The following NRXN3 variants were observed in gnomAD, a reference collection of about 807,000 sequenced individuals.
The protein encoded by NRXN3 is neurexin III.
A neutral mutation model predicts 137.6 loss-of-function variants in NRXN3; 32 were observed. The observed-to-expected ratio is 0.23, with a 90% CI of 0.18 to 0.31. The LOEUF (loss-of-function observed/expected upper bound fraction) is 0.31. Ranked by LOEUF, NRXN3 falls within the 10% of genes least tolerant of loss-of-function variation. The probability of loss-of-function intolerance (pLI) is 1.00; values close to 1 mark genes in which losing one functional copy is unlikely to be tolerated. For synonymous variants in NRXN3, 798 were observed against 784.5 expected (o/e 1.02, Z -0.29); for missense variants, 1,574 against 2,062.5 (o/e 0.76, Z 4.59).
chr14:79,410,698 G>A (rs1033628984), intron 15 of NRXN3, among the ~76,000 whole-genome samples: 1 of 152,078 alleles, frequency 6.6e-6, no homozygotes, highest in African/African-American at 2.4e-5. Context: ...ACAATGCAAA[G>A]TTTATTCATT....
intron 19 of NRXN3, among the ~76,000 whole-genome samples, chr14:79,701,591 G>A (rs891546947): frequency 6.6e-6 from 1 of 152,096 alleles, no homozygotes; most frequent in African/African-American, 2.4e-5. Flanking sequence ...AGGGCTTCCA[G>A]AGAGAGTACT....
At position 78,417,727 on chromosome 14, in the gene NRXN3, C is replaced by T. The variant is rs539568303; in HGVS notation, c.757+119867C>T. On this transcript the variant is annotated intron_variant, in intron 4 of 20. Transcript: ENST00000335750. Reference sequence around the variant, plus strand: ...AGATTCTCATCTTGAATCTGAGTCTCCTTTGATCTGAGGAGCTTCCTGTTT... The same window carrying T: ...AGATTCTCATCTTGAATCTGAGTCTTCTTTGATCTGAGGAGCTTCCTGTTT... Among the ~76,000 whole-genome samples, 7 of 152,268 alleles carry T rather than the reference C, an allele frequency of 4.6e-5. No individual in the cohort carries two copies. In the South Asian group the frequency reaches 1.2e-3, roughly 27 times the overall value.
chr14:79,731,998 C>A (rs550388150), intron 19 of NRXN3, among the ~76,000 whole-genome samples: 12 of 152,126 alleles, frequency 7.9e-5, no homozygotes, highest in Non-Finnish European at 1.8e-4. Flanking sequence ...CTCCCTCCCT[C>A]ACCCCTCCCA....
intron 16 of NRXN3, among the ~76,000 whole-genome samples, chr14:79,637,206 G>C (rs1427451360): frequency 6.6e-6 from 1 of 152,134 alleles, no homozygotes; most frequent in African/African-American, 2.4e-5. Context: ...TTACTTCATA[G>C]ATTGATGTAA....
At chr14:78,659,555 G>A (rs868281728) in intron 6 of NRXN3, among the ~76,000 whole-genome samples, 11 of 151,940 alleles carry the variant, frequency 7.2e-5, no homozygotes, top group African/African-American at 1.7e-4. Context: ...GGTGGCACAC[G>A]CCTGTGGTCC....
intron 15 of NRXN3, among the ~76,000 whole-genome samples, chr14:79,293,748 C>T (rs1286941970): frequency 1.3e-5 from 2 of 152,226 alleles, no homozygotes; most frequent in Non-Finnish European, 2.9e-5. Flanking sequence ...GCTCCCACTC[C>T]GTGTCAGGCA....
At position 79,752,025 on chromosome 14, in the gene NRXN3, A is replaced by G. The variant is rs919296105; in HGVS notation, c.4015-53087A>G. Among the ~76,000 whole-genome samples the G allele has an allele frequency of 5.9e-5, 9 of 152,242 alleles. No homozygotes were observed. In the East Asian group the frequency reaches 1.2e-3, roughly 20 times the overall value. ...CAATGTTCATCAAGGATATTGGTCT[A>G]AAATTCTCTTTTTTGGTTGTGTCTC... On this transcript the variant is annotated intron_variant, in intron 19 of 20. Transcript: ENST00000335750.
intron 15 of NRXN3, among the ~76,000 whole-genome samples, chr14:79,057,889 A>AT (rs1014758300): frequency 1.1e-4 from 17 of 151,926 alleles, no homozygotes; most frequent in South Asian, 2.1e-4. Flanking sequence ...GGCTTTACTC[A>AT]TTTTTTTTCT....
intron 16 of NRXN3, among the ~76,000 whole-genome samples, chr14:79,565,297 G>GTA (rs1567520323): frequency 1.5e-4 from 18 of 123,668 alleles, no homozygotes; most frequent in Non-Finnish European, 2.5e-4. Flanking sequence ...GCACACATGT[G>GTA]TATATACATA....
chr14:79,835,529 A>G lies in NRXN3; in HGVS notation c.4094-25813A>G, dbSNP rs148818143. Among the ~76,000 whole-genome samples, 3 of 152,192 alleles carry G rather than the reference A, an allele frequency of 2.0e-5. No homozygotes were observed. The East Asian group carries it at 5.8e-4, about 29-fold the overall frequency. ...TCATGATTTTGATTTCCATTTCTCC[A>G]TATATACATTTTTTGGGGCTCTGTT... On this transcript the variant is annotated intron_variant, in intron 20 of 20. Transcript: ENST00000335750.
chr14:78,918,332 C>T (rs1467792690), intron 10 of NRXN3, among the ~76,000 whole-genome samples: 1 of 142,336 alleles, frequency 7.0e-6, no homozygotes, highest in East Asian at 2.1e-4. Context: ...AAAGAAATAT[C>T]TGTGTTAGGA....
At chr14:78,498,449 G>A (rs914379013) in intron 4 of NRXN3, among the ~76,000 whole-genome samples, 3 of 152,168 alleles carry the variant, frequency 2.0e-5, no homozygotes, top group African/African-American at 7.2e-5. Context: ...TCCCAGTAGG[G>A]AACTAGGTAT....
At chr14:78,461,101 C>T (rs1236972662) in intron 4 of NRXN3, among the ~76,000 whole-genome samples, 4 of 152,154 alleles carry the variant, frequency 2.6e-5, no homozygotes, top group Admixed American at 2.6e-4. Flanking sequence ...AAATTAGAAT[C>T]CTGACACTAA....
chr14:79,637,162 T>G (rs1175476430), intron 16 of NRXN3, among the ~76,000 whole-genome samples: 1 of 152,204 alleles, frequency 6.6e-6, no homozygotes. Context: ...CTACTTCTGT[T>G]TCATTGTCTG....
At chr14:79,505,339 G>A (rs1458304056) in intron 16 of NRXN3, among the ~76,000 whole-genome samples, 1 of 152,188 alleles carries the variant, frequency 6.6e-6, no homozygotes, top group East Asian at 1.9e-4. Context: ...GTTGGTGAGG[G>A]TTAGGGTTGT....
chr14:78,203,905 CT>C (rs908055684), intron 1 of NRXN3, among the ~76,000 whole-genome samples: 1 of 149,174 alleles, frequency 6.7e-6, no homozygotes, highest in East Asian at 2.0e-4. Context: ...GTATACACTT[CT>C]TTTTTTATTT....
chr14:78,813,732 A>G (rs1174255245), intron 10 of NRXN3, among the ~76,000 whole-genome samples: 3 of 152,036 alleles, frequency 2.0e-5, no homozygotes, highest in Non-Finnish European at 1.5e-5. Flanking sequence ...GCATTCTGTG[A>G]CACTCTTTAA....
intron 15 of NRXN3, among the ~76,000 whole-genome samples, chr14:79,213,630 G>C (rs966878797): frequency 6.6e-6 from 1 of 151,412 alleles, no homozygotes; most frequent in African/African-American, 2.4e-5. Context: ...TTTTTTGGGG[G>C]GGGGTGGCGG....
intron 16 of NRXN3, among the ~76,000 whole-genome samples, chr14:79,481,899 G>A (rs2096612323): frequency 1.3e-5 from 2 of 152,188 alleles, no homozygotes; most frequent in Middle Eastern, 3.4e-3. Flanking sequence ...TTCTGGGTGG[G>A]GGCCACAGGA....
Sources: allele counts gnomAD v4.1 joint callset (sites outside exome capture counted in the v4.1 genomes callset), GRCh38; gene constraint gnomAD v4.1.1; transcripts MANE v1.5; gene names NCBI Gene and HGNC (gene_info 2026-07-23, HGNC 2026-07-21).